The following NEDD1 variants were observed in gnomAD, a reference collection of about 807,000 sequenced individuals.
NEDD1 encodes the protein protein NEDD1.
Under a neutral mutation model 74.0 loss-of-function variants are expected in NEDD1, and 33 were observed. That is an observed-to-expected ratio of 0.45 (90% CI 0.34 to 0.60). NEDD1 has a LOEUF of 0.60. NEDD1 is among the 20% of genes least tolerant of loss of function. The pLI is 0.01. For synonymous variants in NEDD1, 250 were observed against 264.4 expected (o/e 0.95, Z 0.53); for missense variants, 746 against 776.5 (o/e 0.96, Z 0.47).
rs1012894111 is a variant in NEDD1 at position 96,940,634 on chromosome 12, C to T, written c.1246+97C>T. ...AATAGCTTCAGTCCAACTCTATTCA[C>T]GGATCAGTTTGCTAATTTTCTCCAT... On this transcript the variant is annotated intron_variant, in intron 10 of 15. Transcript: ENST00000266742. 52 of 787,058 alleles carry T rather than the reference C, an allele frequency of 6.6e-5. 1 individual carries two copies. The highest frequency in any genetic ancestry group is 2.1e-4 in the African/African-American group (12 of 56,596). The allele number at this position is 787,058 out of a possible 1,614,324, so 48.8% of individuals were successfully genotyped here. A position where few individuals can be genotyped will look rare whatever the true frequency, so the allele number is the denominator to read the frequency against.
intron 6 of NEDD1, among the ~76,000 whole-genome samples, chr12:96,930,156 AACACACACACACACACACACACACACAC>A (rs61405089): frequency 1.1e-3 from 101 of 93,684 alleles, no homozygotes; most frequent in East Asian, 8.9e-3. Context: ...TCTGTTGTAA[AACACACACACACACACACACACACACAC>A]ACACACACAC....
At chr12:96,947,122 T>C (rs1380584325) in intron 14 of NEDD1, among the ~76,000 whole-genome samples, 3 of 152,240 alleles carry the variant, frequency 2.0e-5, no homozygotes, top group African/African-American at 7.2e-5. Context: ...TGTTGTGCTC[T>C]GGTTACAAAG....
intron 5 of NEDD1, among the ~76,000 whole-genome samples, chr12:96,918,714 T>G (rs982684710): frequency 1.3e-5 from 2 of 152,226 alleles, no homozygotes; most frequent in Non-Finnish European, 2.9e-5. Flanking sequence ...TGGCACTTAG[T>G]AGGTTCTTAG....
chr12:96,940,762 G>A, intron 10 of NEDD1, among the ~76,000 whole-genome samples: 1 of 152,004 alleles, frequency 6.6e-6, no homozygotes, highest in East Asian at 1.9e-4. Flanking sequence ...TAGCTCTCAA[G>A]TTAGCATTTT....
At chr12:96,925,405 C>T (rs1875586268) in intron 6 of NEDD1, among the ~76,000 whole-genome samples, 1 of 152,100 alleles carries the variant, frequency 6.6e-6, no homozygotes, top group Non-Finnish European at 1.5e-5. Context: ...TTAATCTTTG[C>T]TACTAACTTG....
rs1176509452 is a variant in NEDD1, at chr12:96,925,148, G to C, written c.489+5023G>C. ...AGCAATAAACTGCGGAGTTCCAAGG[G>C]AACCTAAAGGAGAGACACCTAAGCC... On this transcript the variant is annotated intron_variant, in intron 6 of 15. Transcript: ENST00000266742. 2.0e-5 allele frequency among the ~76,000 whole-genome samples: 3 copies of C among 152,076 alleles called. No individual in the cohort carries two copies. In the East Asian group the frequency reaches 5.8e-4, roughly 29 times the overall value.
At chr12:96,948,451 G>T (rs75591533) in intron 14 of NEDD1, among the ~76,000 whole-genome samples, 1 of 151,978 alleles carries the variant, frequency 6.6e-6, no homozygotes, top group African/African-American at 2.4e-5. Flanking sequence ...CTAGTCATGG[G>T]TCTCTTTTCT....
At chr12:96,940,025 A>T (rs1476652632) in intron 9 of NEDD1, among the ~76,000 whole-genome samples, 2 of 152,070 alleles carry the variant, frequency 1.3e-5, no homozygotes, top group African/African-American at 4.8e-5. Flanking sequence ...ACATTTGTAG[A>T]TGATCATGAG....
chr12:96,941,725 T>G (rs1195722011), intron 10 of NEDD1, among the ~76,000 whole-genome samples: 1 of 152,158 alleles, frequency 6.6e-6, no homozygotes, highest in Non-Finnish European at 1.5e-5. Context: ...TTTAATAGTT[T>G]TTAAGACAAA....
At chr12:96,929,574 C>T (rs1191370493) in intron 6 of NEDD1, among the ~76,000 whole-genome samples, 5 of 91,908 alleles carry the variant, frequency 5.4e-5, no homozygotes, top group Non-Finnish European at 8.3e-5. Flanking sequence ...CACACACACA[C>T]ACACACACAC....
intron 6 of NEDD1, among the ~76,000 whole-genome samples, chr12:96,931,921 TTAAA>T (rs1321598023): frequency 6.6e-6 from 1 of 152,182 alleles, no homozygotes; most frequent in Non-Finnish European, 1.5e-5. Flanking sequence ...TTTTTTTCTA[TTAAA>T]TAATTATCTT....
intron 5 of NEDD1, among the ~76,000 whole-genome samples, chr12:96,919,635 T>C (rs913645127): frequency 3.9e-5 from 6 of 152,228 alleles, no homozygotes; most frequent in Non-Finnish European, 8.8e-5. Context: ...TCTTTCTCTT[T>C]CCTCTGACAC....
chr12:96,942,326 A>G, intron 10 of NEDD1, among the ~76,000 whole-genome samples: 1 of 152,228 alleles, frequency 6.6e-6, no homozygotes, highest in African/African-American at 2.4e-5. Context: ...GGCTTGTTAC[A>G]CTATACCTTG....
intron 6 of NEDD1, among the ~76,000 whole-genome samples, chr12:96,931,403 TG>T (rs1261547332): frequency 2.6e-5 from 4 of 152,144 alleles, no homozygotes; most frequent in African/African-American, 9.7e-5. Flanking sequence ...GTATTTACAA[TG>T]TATGAGAGCA....
chr12:96,920,321 A>G (rs1010118407), intron 6 of NEDD1, among the ~76,000 whole-genome samples, 196 bp downstream of exon 6: 6 of 151,974 alleles, frequency 3.9e-5, no homozygotes, highest in African/African-American at 1.5e-4. Context: ...TGATTATGTA[A>G]TCAAATAGTC....
chr12:96,934,921 A>G, intron 6 of NEDD1, 55 bp from the exon 7 acceptor site: 1 of 1,129,000 alleles, frequency 8.9e-7, no homozygotes. Flanking sequence ...GGCTTATATC[A>G]AATGTCCTTA....
At chr12:96,942,167 T>A (rs865865896) in intron 10 of NEDD1, among the ~76,000 whole-genome samples, 10 of 152,122 alleles carry the variant, frequency 6.6e-5, no homozygotes, top group African/African-American at 2.2e-4. Context: ...CTCAAAGCAA[T>A]TTTGTGAGCT....
chr12:96,946,503 G>A (rs2136620997), intron 14 of NEDD1, among the ~76,000 whole-genome samples: 1 of 152,286 alleles, frequency 6.6e-6, no homozygotes, highest in African/African-American at 2.4e-5. Flanking sequence ...TGGAGAAAAT[G>A]TGCAGTTTTT....
At position 96,907,928 on chromosome 12, in the gene NEDD1, G is replaced by A. The variant is rs541785279; in HGVS notation, c.-9+72G>A. 33 of 1,253,070 alleles carry A rather than the reference G, an allele frequency of 2.6e-5. 1 individual carries two copies. The South Asian group carries it at 5.7e-4, about 22-fold the overall frequency. 77.6% of individuals were successfully genotyped at this position (1,253,070 alleles called of 1,614,324 possible). On this transcript the variant is annotated intron_variant, in intron 2 of 15. Coordinates refer to ENST00000266742, the MANE Select transcript of NEDD1 (RefSeq NM_152905.4). ...AAACAAACATTAAATCACCCGGCGAGTTGTGTTTCCTAAGTTGGAGCAGGT... is the reference window on the plus strand; with the variant it reads ...AAACAAACATTAAATCACCCGGCGAATTGTGTTTCCTAAGTTGGAGCAGGT...
Sources: gnomAD v4.1 joint callset for allele counts (sites outside exome capture counted in the v4.1 genomes callset) on GRCh38, gnomAD v4.1.1 for gene constraint, MANE v1.5 for transcripts, NCBI Gene and HGNC (gene_info 2026-07-23, HGNC 2026-07-21) for gene names.